The following TNRC6B variants were observed in gnomAD, a reference collection of about 807,000 sequenced individuals.
TNRC6B encodes the protein trinucleotide repeat containing adaptor 6B.
A neutral mutation model predicts 203.6 loss-of-function variants in TNRC6B; 52 were observed. That is an observed-to-expected ratio of 0.26 (90% CI 0.20 to 0.32). The LOEUF (loss-of-function observed/expected upper bound fraction) is 0.32. Among genes scored for constraint, TNRC6B ranks in the 10% least tolerant of loss-of-function variants. The pLI, the probability that TNRC6B is intolerant of heterozygous loss-of-function variation, is 1.00. For synonymous variants in TNRC6B, 838 were observed against 845.7 expected, an observed-to-expected ratio of 0.99 and a Z score of 0.16; for missense variants, 1,923 against 2,286.2, an observed-to-expected ratio of 0.84 and a Z score of 3.24.
At chr22:40,303,055 T>TC (rs1249582388) in intron 15 of TNRC6B, among the ~76,000 whole-genome samples, 1 of 144,992 alleles carries the variant, frequency 6.9e-6, no homozygotes, top group East Asian at 2.0e-4. Context: ...TCTTTTTTTT[T>TC]TTTTTTTTTT....
intron 3 of TNRC6B, among the ~76,000 whole-genome samples, chr22:40,142,355 C>T (rs2068651783): frequency 6.6e-6 from 1 of 152,040 alleles, no homozygotes; most frequent in African/African-American, 2.4e-5. Flanking sequence ...AGCCACCGTG[C>T]ACAGCCACCA....
In TNRC6B at chr22:40,322,763, G is replaced by T. The variant is rs1678710977; in HGVS notation, c.5115-91G>T. 1.4e-5 allele frequency: 20 copies of T among 1,467,520 alleles called. 1 individual carries two copies. In the South Asian group the frequency reaches 2.3e-4, roughly 17 times the overall value. 90.9% of individuals were successfully genotyped at this position (1,467,520 alleles called of 1,614,324 possible). The stretch of plus-strand genomic sequence containing the variant: ...TATGGCAGCTTCTAGTCAAAGGACT[G>T]CACATTGAATGTCAAGGACTGCAGT... On this transcript the variant is annotated intron_variant, in intron 22 of 22. Coordinates refer to ENST00000454349, the MANE Select transcript of TNRC6B (RefSeq NM_001162501.2).
intron 3 of TNRC6B, among the ~76,000 whole-genome samples, chr22:40,134,689 G>A (rs1042840542): frequency 2.6e-5 from 4 of 152,104 alleles, no homozygotes; most frequent in East Asian, 3.9e-4. Flanking sequence ...TGTTCTGCAC[G>A]TGTATCCCAG....
At chr22:40,146,597 C>T (rs1048062638) in intron 3 of TNRC6B, among the ~76,000 whole-genome samples, 6 of 135,144 alleles carry the variant, frequency 4.4e-5, no homozygotes, top group African/African-American at 1.7e-4. Context: ...GATGGAGTCT[C>T]GCTCTGTCGC....
chr22:40,279,754 C>T (rs1422610730), intron 9 of TNRC6B, among the ~76,000 whole-genome samples: 1 of 152,132 alleles, frequency 6.6e-6, no homozygotes, highest in African/African-American at 2.4e-5. Context: ...CAAACTACAA[C>T]AGATACATGT....
intron 16 of TNRC6B, 90 bp downstream of exon 16, chr22:40,308,739 T>C: frequency 2.8e-6 from 4 of 1,446,170 alleles, no homozygotes; most frequent in Non-Finnish European, 3.7e-6. Flanking sequence ...CAGAACTTGG[T>C]ATTCATTTTC....
intron 11 of TNRC6B, among the ~76,000 whole-genome samples, chr22:40,282,652 AG>A (rs1336154807): frequency 6.6e-6 from 1 of 152,196 alleles, no homozygotes; most frequent in East Asian, 1.9e-4. Flanking sequence ...CTCTAAAAAA[AG>A]GTCATTCTTC....
chr22:40,098,420 A>G (rs1036941298), intron 1 of TNRC6B, among the ~76,000 whole-genome samples: 1 of 148,788 alleles, frequency 6.7e-6, no homozygotes, highest in African/African-American at 2.5e-5. Context: ...GGGAATTACT[A>G]TATCAAAGAG....
At chr22:40,257,332 T>C (rs140203086) in intron 3 of TNRC6B, among the ~76,000 whole-genome samples, 7 of 152,310 alleles carry the variant, frequency 4.6e-5, no homozygotes, top group African/African-American at 1.7e-4. Flanking sequence ...ATTGGAAGTT[T>C]AAACTGTGAG....
At chr22:40,106,672 G>A (rs2068286340) in intron 1 of TNRC6B, 1 of 754,372 alleles carries the variant, frequency 1.3e-6, no homozygotes, top group African/African-American at 1.7e-5. Flanking sequence ...TCCTCAGCAT[G>A]TTAATTGAAG....
intron 16 of TNRC6B, 40 bp downstream of exon 16, chr22:40,308,689 C>G: frequency 6.4e-7 from 1 of 1,573,600 alleles, no homozygotes. Context: ...CAACCCACAG[C>G]AGGTCTTGAT....
At chr22:40,166,876 C>A (rs1010144922) in intron 4 of TNRC6B, among the ~76,000 whole-genome samples, 1 of 142,584 alleles carries the variant, frequency 7.0e-6, no homozygotes, top group Non-Finnish European at 1.5e-5. Flanking sequence ...GCCTGGGTGA[C>A]GGAGTGAGAC....
intron 11 of TNRC6B, among the ~76,000 whole-genome samples, chr22:40,281,649 T>C (rs1295375713): frequency 1.3e-5 from 2 of 152,242 alleles, no homozygotes; most frequent in East Asian, 3.8e-4. Context: ...TGTAATACTT[T>C]GGAGATCTTT....
intron 1 of TNRC6B, among the ~76,000 whole-genome samples, chr22:40,096,359 C>A (rs1055994572): frequency 1.3e-5 from 2 of 152,166 alleles, no homozygotes; most frequent in Admixed American, 1.3e-4. Flanking sequence ...TCTGTTATTC[C>A]CACATAGCGT....
At chr22:40,320,934 C>T (rs2071326489) in intron 21 of TNRC6B, among the ~76,000 whole-genome samples, 156 bp from the exon 22 acceptor site, 1 of 152,154 alleles carries the variant, frequency 6.6e-6, no homozygotes, top group Non-Finnish European at 1.5e-5. Context: ...TAAAACAGAC[C>T]ATAGGCTGAA....
chr22:40,274,554 G>T (rs141310724), intron 7 of TNRC6B, among the ~76,000 whole-genome samples: 3,671 of 151,906 alleles, frequency 0.024, 168 homozygotes, highest in African/African-American at 0.085. Context: ...CCGAGTAGCT[G>T]GGACTACAGG....
At chr22:40,168,342 G>C (rs2068940099) in intron 4 of TNRC6B, among the ~76,000 whole-genome samples, 1 of 152,190 alleles carries the variant, frequency 6.6e-6, no homozygotes, top group African/African-American at 2.4e-5. Flanking sequence ...CCATTGTTTA[G>C]AGGGGGAAAC....
chr22:40,151,457 T>C (rs921355529), intron 3 of TNRC6B, among the ~76,000 whole-genome samples: 3 of 151,168 alleles, frequency 2.0e-5, no homozygotes, highest in Non-Finnish European at 4.4e-5. Flanking sequence ...GGAGAATCTC[T>C]TGAAGCGGAG....
At chr22:40,102,142 A>G (rs2068245942) in intron 1 of TNRC6B, among the ~76,000 whole-genome samples, 1 of 152,202 alleles carries the variant, frequency 6.6e-6, no homozygotes, top group African/African-American at 2.4e-5. Context: ...TCATATGAAT[A>G]TATTTTTTTA....
Sources: allele counts gnomAD v4.1 joint callset (sites outside exome capture counted in the v4.1 genomes callset), GRCh38; gene constraint gnomAD v4.1.1; transcripts MANE v1.5; gene names NCBI Gene and HGNC (gene_info 2026-07-23, HGNC 2026-07-21).